NTM: variants seen among roughly 807,000 people sequenced by gnomAD.
NTM encodes IgLON family member 2.
In NTM, 13 loss-of-function variants were observed where a neutral mutation model predicts 42.1. The observed-to-expected ratio is 0.31, with a 90% confidence interval of 0.20 to 0.49. NTM has a LOEUF of 0.49. NTM is among the 20% of genes least tolerant of loss of function. The pLI, the probability that NTM is intolerant of heterozygous loss-of-function variation, is 0.99. For missense variants in NTM, 373 were observed against 452.8 expected (o/e 0.82, Z 1.60); for synonymous variants, 187 against 179.2 (o/e 1.04, Z -0.35).
intron 2 of NTM, among the ~76,000 whole-genome samples, chr11:131,921,299 C>T (rs1384747347): frequency 6.6e-6 from 1 of 151,748 alleles, no homozygotes; most frequent in Non-Finnish European, 1.5e-5. Context: ...TAAAAAGATG[C>T]CTATGTGGAG....
intron 2 of NTM, among the ~76,000 whole-genome samples, chr11:131,926,991 C>A (rs1005968765): frequency 6.6e-6 from 1 of 152,108 alleles, no homozygotes; most frequent in Non-Finnish European, 1.5e-5. Flanking sequence ...TGGCATTTTA[C>A]GATCATGTAT....
At chr11:131,401,141 A>G (rs75272720) in intron 1 of NTM, among the ~76,000 whole-genome samples, 2,217 of 152,210 alleles carry the variant, frequency 0.015, 14 homozygotes, top group Middle Eastern at 0.044. Flanking sequence ...AAAACCTAAA[A>G]ATATTTAGCC....
intron 1 of NTM, among the ~76,000 whole-genome samples, chr11:131,824,520 G>T (rs181414525): frequency 6.6e-6 from 1 of 152,322 alleles, no homozygotes; most frequent in Non-Finnish European, 1.5e-5. Context: ...AGAAGAGTGA[G>T]CAATTAAATT....
chr11:131,520,463 T>C (rs2049485027), intron 1 of NTM, among the ~76,000 whole-genome samples: 1 of 152,168 alleles, frequency 6.6e-6, no homozygotes, highest in Non-Finnish European at 1.5e-5. Flanking sequence ...CAAAGGACTC[T>C]GGGAAACAAC....
At chr11:131,590,543 C>T (rs539759809) in intron 1 of NTM, among the ~76,000 whole-genome samples, 2 of 152,312 alleles carry the variant, frequency 1.3e-5, no homozygotes, top group East Asian at 1.9e-4. Flanking sequence ...AGCCAGGTGT[C>T]CCCTGCACGA....
intron 1 of NTM, among the ~76,000 whole-genome samples, chr11:131,408,532 C>A (rs199696313): frequency 6.6e-6 from 1 of 152,124 alleles, no homozygotes; most frequent in African/African-American, 2.4e-5. Flanking sequence ...TAATGATCAG[C>A]CTTTGGGCAA....
chr11:131,751,491 G>A (rs1036030831), intron 1 of NTM, among the ~76,000 whole-genome samples: 3 of 151,952 alleles, frequency 2.0e-5, no homozygotes, highest in African/African-American at 2.4e-5. Flanking sequence ...TCGGGAGGCT[G>A]AGGCAGGAGA....
At chr11:132,110,967 C>T (rs1381362789) in intron 2 of NTM, among the ~76,000 whole-genome samples, 1 of 148,948 alleles carries the variant, frequency 6.7e-6, no homozygotes, top group Non-Finnish European at 1.5e-5. Context: ...ACTTTAGAGT[C>T]TAAGGCAAGA....
At chr11:132,169,148 T>G (rs2075735656) in intron 3 of NTM, among the ~76,000 whole-genome samples, 1 of 151,916 alleles carries the variant, frequency 6.6e-6, no homozygotes, top group Non-Finnish European at 1.5e-5. Flanking sequence ...TCTGGTTCAT[T>G]CTTGTTTTCT....
intron 1 of NTM, among the ~76,000 whole-genome samples, chr11:131,659,014 C>A (rs190606219): frequency 6.6e-6 from 1 of 152,154 alleles, no homozygotes; most frequent in Non-Finnish European, 1.5e-5. Context: ...GCAGAGAGAG[C>A]ATCCCTGTGC....
chr11:131,467,380 C>T (rs1250349985), intron 1 of NTM, among the ~76,000 whole-genome samples: 2 of 152,200 alleles, frequency 1.3e-5, no homozygotes, highest in Admixed American at 1.3e-4. Flanking sequence ...GAGCCCACCT[C>T]CCACCAGGAG....
intron 1 of NTM, among the ~76,000 whole-genome samples, chr11:131,853,215 A>T (rs748511140): frequency 2.2e-4 from 33 of 152,040 alleles, no homozygotes; most frequent in Non-Finnish European, 3.8e-4. Flanking sequence ...TGAGCACCAT[A>T]AGCAGACTAT....
chr11:132,049,569 G>A (rs753392359), intron 2 of NTM, among the ~76,000 whole-genome samples: 17 of 152,162 alleles, frequency 1.1e-4, no homozygotes, highest in Admixed American at 5.2e-4. Context: ...AGAGGTGAGC[G>A]CCCTTGGCTG....
chr11:132,177,660 A>C (rs2077014331), intron 3 of NTM, among the ~76,000 whole-genome samples: 1 of 152,238 alleles, frequency 6.6e-6, no homozygotes, highest in Admixed American at 6.5e-5. Flanking sequence ...GCCATAACTG[A>C]GTTCAGTGAT....
At chr11:131,890,150 C>G (rs866274843) in intron 1 of NTM, among the ~76,000 whole-genome samples, 34 of 69,354 alleles carry the variant, frequency 4.9e-4, no homozygotes, top group African/African-American at 2.4e-3. Context: ...CTCTCTCTCT[C>G]TCTCTGTCTC....
intron 2 of NTM, among the ~76,000 whole-genome samples, chr11:132,098,000 AT>A (rs1272494190): frequency 6.6e-6 from 1 of 152,262 alleles, no homozygotes; most frequent in African/African-American, 2.4e-5. Flanking sequence ...GCAAAGAAAG[AT>A]TCGTGGCAAG....
intron 1 of NTM, among the ~76,000 whole-genome samples, chr11:131,782,860 C>A (rs1449942274): frequency 3.9e-5 from 6 of 152,170 alleles, no homozygotes; most frequent in African/African-American, 1.4e-4. Flanking sequence ...CTACAGAAAA[C>A]CTATAGCTAT....
chr11:131,965,493 TTAA>T (rs2062724578), intron 2 of NTM, among the ~76,000 whole-genome samples: 2 of 152,284 alleles, frequency 1.3e-5, no homozygotes, highest in African/African-American at 4.8e-5. Context: ...ATTATTTTAA[TTAA>T]TTATTATTAA....
chr11:131,951,522 A>G (rs1345034297), intron 2 of NTM, among the ~76,000 whole-genome samples: 1 of 152,158 alleles, frequency 6.6e-6, no homozygotes, highest in Non-Finnish European at 1.5e-5. Context: ...GGCCTGCAGG[A>G]GAGTGGTCTG....
Sources: allele counts gnomAD v4.1 joint callset (sites outside exome capture counted in the v4.1 genomes callset), GRCh38; gene constraint gnomAD v4.1.1; transcripts MANE v1.5; gene names NCBI Gene and HGNC (gene_info 2026-07-23, HGNC 2026-07-21).